The following PRKCE variants were observed in gnomAD, a reference collection of about 807,000 sequenced individuals.
The protein encoded by PRKCE is protein kinase C epsilon.
Under a neutral mutation model 85.4 loss-of-function variants are expected in PRKCE, and 16 were observed. That is an observed-to-expected ratio of 0.19 (90% confidence interval 0.13 to 0.28). PRKCE has a LOEUF of 0.28. PRKCE is among the 10% of genes least tolerant of loss of function. The pLI, the probability that PRKCE is intolerant of heterozygous loss-of-function variation, is 1.00. For missense variants in PRKCE, 573 were observed against 975.2 expected, an observed-to-expected ratio of 0.59 and a Z score of 5.49; for synonymous variants, 388 against 371.5, an observed-to-expected ratio of 1.04 and a Z score of -0.51.
intron 11 of PRKCE, among the ~76,000 whole-genome samples, chr2:46,130,639 C>T (rs1031591837): frequency 5.3e-5 from 8 of 152,214 alleles, no homozygotes; most frequent in African/African-American, 1.7e-4. Context: ...TTCCTTTCTT[C>T]AGTTTGTTCA....
chr2:46,148,117 A>G (rs1416745395), intron 12 of PRKCE, among the ~76,000 whole-genome samples: 3 of 152,208 alleles, frequency 2.0e-5, no homozygotes, highest in Non-Finnish European at 2.9e-5. Context: ...GCCACATGAT[A>G]TGCCCCATGG....
intron 10 of PRKCE, among the ~76,000 whole-genome samples, chr2:46,023,219 T>C (rs866110762): frequency 2.0e-5 from 3 of 152,218 alleles, no homozygotes; most frequent in African/African-American, 7.2e-5. Context: ...TGAAACAGAA[T>C]TGAGACTACC....
At chr2:45,870,073 G>A (rs1693968536) in intron 2 of PRKCE, among the ~76,000 whole-genome samples, 1 of 152,136 alleles carries the variant, frequency 6.6e-6, no homozygotes, top group East Asian at 1.9e-4. Flanking sequence ...GGCCTGCAGT[G>A]TCCTTCCCTG....
intron 1 of PRKCE, among the ~76,000 whole-genome samples, chr2:45,742,934 C>T (rs1682699787): frequency 6.6e-6 from 1 of 152,202 alleles, no homozygotes; most frequent in African/African-American, 2.4e-5. Flanking sequence ...GAATATTATT[C>T]AGCCTTAAAG....
chr2:46,074,665 C>G (rs1668393929), intron 10 of PRKCE, among the ~76,000 whole-genome samples: 1 of 152,136 alleles, frequency 6.6e-6, no homozygotes, highest in Non-Finnish European at 1.5e-5. Context: ...TCTTGAGTTT[C>G]TGGAATCAGA....
intron 1 of PRKCE, among the ~76,000 whole-genome samples, chr2:45,694,277 T>C (rs1677968585): frequency 6.6e-6 from 1 of 151,808 alleles, no homozygotes; most frequent in African/African-American, 2.4e-5. Context: ...ATAGCAATTA[T>C]TTTCCCTTCA....
At chr2:46,089,794 CG>C (rs1290128946) in intron 11 of PRKCE, among the ~76,000 whole-genome samples, 2 of 151,982 alleles carry the variant, frequency 1.3e-5, no homozygotes, top group Non-Finnish European at 2.9e-5. Context: ...AACAGGGCCC[CG>C]ATGGCCATGA....
rs1475828869 is a variant in PRKCE at position 45,903,911 on chromosome 2, GTTTGTTTT to G, written c.412+60852_412+60859del. 7.4e-4 allele frequency among the ~76,000 whole-genome samples: 62 copies of G among 83,696 alleles called. 3 individuals are homozygous for G. Among genetic ancestry groups the G allele is most frequent in the African/African-American group, 1.6e-3 (45 of 27,328 alleles). 54.9% of individuals were successfully genotyped at this position (83,696 alleles called of 152,430 possible). On this transcript the variant is annotated intron_variant, in intron 2 of 14. Coordinates refer to ENST00000306156, the MANE Select transcript of PRKCE (RefSeq NM_005400.3). Reference sequence around the variant, plus strand: ...TTTTTGTTTGTTTGTTTGTTTGTTTGTTTGTTTTTTTTGGCAGGGTCTCACTCTGTTGC... The same window carrying G: ...TTTTTGTTTGTTTGTTTGTTTGTTTGTTTTGGCAGGGTCTCACTCTGTTGC...
chr2:46,181,852 T>C (rs934471924), intron 14 of PRKCE, among the ~76,000 whole-genome samples: 3 of 152,134 alleles, frequency 2.0e-5, no homozygotes, highest in Non-Finnish European at 4.4e-5. Flanking sequence ...CACTATATCA[T>C]ACATTAGTTG....
At chr2:45,969,984 C>T (rs139746364) in intron 2 of PRKCE, among the ~76,000 whole-genome samples, 21 of 152,252 alleles carry the variant, frequency 1.4e-4, no homozygotes, top group Admixed American at 2.0e-4. Context: ...TGTTTGTTGG[C>T]TAATATAGAT....
At chr2:46,066,007 A>G (rs896383873) in intron 10 of PRKCE, among the ~76,000 whole-genome samples, 1 of 152,188 alleles carries the variant, frequency 6.6e-6, no homozygotes, top group African/African-American at 2.4e-5. Flanking sequence ...GCAAAGATCC[A>G]GCATCCGTCA....
At chr2:45,803,292 G>A (rs561546771) in intron 1 of PRKCE, among the ~76,000 whole-genome samples, 6 of 152,202 alleles carry the variant, frequency 3.9e-5, no homozygotes, top group Non-Finnish European at 7.3e-5. Flanking sequence ...TTCACACCAC[G>A]AAATAATACA....
At chr2:45,815,273 A>C (rs1427000854) in intron 1 of PRKCE, among the ~76,000 whole-genome samples, 5 of 152,196 alleles carry the variant, frequency 3.3e-5, no homozygotes, top group Admixed American at 3.3e-4. Context: ...TCCAGAAATA[A>C]TTTGACAAAG....
intron 10 of PRKCE, among the ~76,000 whole-genome samples, chr2:46,029,682 T>C (rs1450820124): frequency 8.8e-6 from 1 of 114,188 alleles, no homozygotes; most frequent in African/African-American, 4.2e-5. Context: ...TGTCGTCGTA[T>C]GGGTTTTTTT....
chr2:45,687,179 G>A lies in PRKCE; in HGVS notation c.348+34731G>A, dbSNP rs561330968. 2.6e-5 allele frequency among the ~76,000 whole-genome samples: 4 copies of A among 151,902 alleles called. No homozygotes were observed. The South Asian group carries it at 8.3e-4, about 32-fold the overall frequency. On this transcript the variant is annotated intron_variant, in intron 1 of 14. Coordinates refer to ENST00000306156, the MANE Select transcript of PRKCE (RefSeq NM_005400.3). ...AGCTTCATGGACCAACATAAACAAA[G>A]TCAAAAGACAAACAATGAATTGAAA... is the stretch of plus-strand genomic sequence containing the variant.
rs1166037097 is a variant in PRKCE at position 46,010,686 on chromosome 2, C to T, written c.1437+169C>T. On this transcript the variant is annotated intron_variant, in intron 10 of 14. Transcript: ENST00000306156. The stretch of plus-strand genomic sequence containing the variant: ...TTGAACAGCATCTTCTTTTTTAGGG[C>T]ACAGGATTTTCCATTCAAGGTTGTG... 3 of 1,598,498 alleles carry T rather than the reference C, an allele frequency of 1.9e-6. No individual in the cohort carries two copies. The Admixed American group carries it at 5.0e-5, about 27-fold the overall frequency.
chr2:46,181,828 T>C (rs140227416), intron 14 of PRKCE, among the ~76,000 whole-genome samples: 220 of 152,302 alleles, frequency 1.4e-3, no homozygotes, highest in African/African-American at 5.1e-3. Context: ...TTCTGAAACC[T>C]GGAGAATCCC....
chr2:45,810,350 C>G (rs973803567), intron 1 of PRKCE, among the ~76,000 whole-genome samples: 1 of 152,088 alleles, frequency 6.6e-6, no homozygotes, highest in African/African-American at 2.4e-5. Flanking sequence ...CAAAGGATAA[C>G]TTTTTAAAAA....
At chr2:45,757,978 TG>T (rs150463483) in intron 1 of PRKCE, among the ~76,000 whole-genome samples, 70 of 152,130 alleles carry the variant, frequency 4.6e-4, no homozygotes, top group Non-Finnish European at 9.4e-4. Context: ...CTTCAATGAC[TG>T]GGGACAATGT....
Sources: gnomAD v4.1 joint callset for allele counts (sites outside exome capture counted in the v4.1 genomes callset) on GRCh38, gnomAD v4.1.1 for gene constraint, MANE v1.5 for transcripts, NCBI Gene and HGNC (gene_info 2026-07-23, HGNC 2026-07-21) for gene names.